Variants in CRISP1 observed in about 807,000 individuals in gnomAD.
CRISP1 encodes cysteine-rich secretory protein 1.
CRISP1 carries 44 observed loss-of-function variants against 33.1 expected under a neutral mutation model. The observed-to-expected ratio is 1.33, with a 90% CI of 1.05 to 1.71. CRISP1 has a LOEUF of 1.71. Among genes scored for constraint, CRISP1 ranks in the 40% most tolerant of loss-of-function variants. CRISP1 has a pLI of 0.00. For synonymous variants in CRISP1, 103 were observed against 98.7 expected (o/e 1.04, Z -0.26); for missense variants, 390 against 301.2 (o/e 1.29, Z -2.18).
intron 5 of CRISP1, among the ~76,000 whole-genome samples, chr6:49,842,151 C>A (rs112995744): frequency 8.5e-5 from 13 of 152,128 alleles, no homozygotes; most frequent in Non-Finnish European, 1.6e-4. Flanking sequence ...TAATTATCTG[C>A]GGCTAACCTA....
At chr6:49,845,795 TA>T (rs568960285) in intron 5 of CRISP1, among the ~76,000 whole-genome samples, 3 of 151,684 alleles carry the variant, frequency 2.0e-5, no homozygotes, top group South Asian at 2.1e-4. Flanking sequence ...CATTTAGCCT[TA>T]AAAAAAAGAA....
chr6:49,835,917 T>C (rs1770775034), intron 7 of CRISP1, among the ~76,000 whole-genome samples: 1 of 152,018 alleles, frequency 6.6e-6, no homozygotes, highest in African/African-American at 2.4e-5. Flanking sequence ...CACCCAGAGG[T>C]TATCTCAACT....
intron 5 of CRISP1, among the ~76,000 whole-genome samples, chr6:49,844,328 G>A (rs891621296): frequency 3.9e-5 from 6 of 152,074 alleles, no homozygotes. Flanking sequence ...AAGGCTGTCC[G>A]ACTTCTTAGA....
intron 5 of CRISP1, among the ~76,000 whole-genome samples, chr6:49,845,274 C>T (rs1771124612): frequency 1.3e-5 from 2 of 152,098 alleles, no homozygotes; most frequent in South Asian, 4.1e-4. Flanking sequence ...CTGTCTCTAT[C>T]CTTGACTCTC....
chr6:49,865,245 G>T (rs1341412452), intron 1 of CRISP1, among the ~76,000 whole-genome samples: 1 of 152,074 alleles, frequency 6.6e-6, no homozygotes, highest in Non-Finnish European at 1.5e-5. Context: ...AGTGGGGAAA[G>T]GATGATCATT....
intron 5 of CRISP1, among the ~76,000 whole-genome samples, chr6:49,841,921 C>T (rs1771003967): frequency 1.3e-5 from 2 of 152,124 alleles, no homozygotes; most frequent in Admixed American, 1.3e-4. Flanking sequence ...TTAAGTGGTT[C>T]AAAAGGAGAT....
chr6:49,862,030 A>C (rs540070460), intron 1 of CRISP1, among the ~76,000 whole-genome samples: 3 of 152,284 alleles, frequency 2.0e-5, no homozygotes, highest in African/African-American at 7.2e-5. Context: ...CTTATTTAAC[A>C]TAGTGCTGGG....
chr6:49,849,464 G>A (rs556763121), intron 3 of CRISP1, among the ~76,000 whole-genome samples: 2 of 152,096 alleles, frequency 1.3e-5, no homozygotes, highest in African/African-American at 4.8e-5. Flanking sequence ...TGACAGTCAG[G>A]CTGACATCAC....
At chr6:49,841,506 A>G (rs879706663) in intron 5 of CRISP1, among the ~76,000 whole-genome samples, 2 of 152,164 alleles carry the variant, frequency 1.3e-5, no homozygotes, top group Non-Finnish European at 2.9e-5. Flanking sequence ...GATCTTATCC[A>G]GTATACTCAG....
In CRISP1 at chr6:49,835,459, A is replaced by C; in HGVS notation, c.623-16T>G. The C allele has an allele frequency of 6.2e-7, 1 of 1,612,298 alleles. No individual in the cohort carries two copies. The highest frequency in any genetic ancestry group is 8.5e-7 in the Non-Finnish European group (1 of 1,179,088). On this transcript the variant is annotated splice_polypyrimidine_tract_variant and intron_variant, in intron 7 of 7. Coordinates refer to ENST00000335847, the MANE Select transcript of CRISP1 (RefSeq NM_001131.3). ...CAGGGGTTAGCTGAAAGAAAATAGT[A>C]TGGTTTTACAACACAGTCTTTTAAA...
At chr6:49,838,290 T>C (rs572556456) in intron 7 of CRISP1, 147 bp downstream of exon 7, 24 of 625,306 alleles carry the variant, frequency 3.8e-5, no homozygotes, top group African/African-American at 2.0e-4. Context: ...ACTCTGGCAA[T>C]TGGGGAGGGG....
chr6:49,866,811 G>A, upstream of CRISP1, among the ~76,000 whole-genome samples: 1 of 152,046 alleles, frequency 6.6e-6, no homozygotes, highest in East Asian at 1.9e-4. Context: ...ATGACTTGCT[G>A]GTCCAGAAAC....
chr6:49,860,072 T>C (rs1771605364), intron 1 of CRISP1, among the ~76,000 whole-genome samples: 1 of 152,052 alleles, frequency 6.6e-6, no homozygotes, highest in Non-Finnish European at 1.5e-5. Context: ...CAAGAGAATG[T>C]AACAATTCTA....
chr6:49,842,323 A>G (rs1176368730), intron 5 of CRISP1, among the ~76,000 whole-genome samples: 1 of 152,222 alleles, frequency 6.6e-6, no homozygotes, highest in East Asian at 1.9e-4. Flanking sequence ...ACATGATTTT[A>G]ATAAAAATGC....
intron 5 of CRISP1, among the ~76,000 whole-genome samples, chr6:49,845,563 T>C (rs1391728057): frequency 6.6e-6 from 1 of 152,286 alleles, no homozygotes; most frequent in South Asian, 2.1e-4. Flanking sequence ...AATATAATAG[T>C]ACTCCAGTTT....
At chr6:49,847,390 T>C (rs1771212609) in intron 4 of CRISP1, among the ~76,000 whole-genome samples, 2 of 152,220 alleles carry the variant, frequency 1.3e-5, no homozygotes, top group South Asian at 4.2e-4. Context: ...CTCAAAGAAC[T>C]TGGTGCTGTC....
Position 49,857,415 on chromosome 6 carries a change from T to A in CRISP1, c.-2-13A>T, listed in dbSNP as rs762032785. On this transcript the variant is annotated splice_polypyrimidine_tract_variant and intron_variant, in intron 1 of 7. Transcript: ENST00000335847. ...TTAATTTCCATCCCTGAAAGAAAAA[T>A]AACACAATTTTAGATTATTCTCAAT... 25 of 1,609,068 alleles carry A rather than the reference T, an allele frequency of 1.6e-5. No homozygotes were observed. In the African/African-American group the frequency reaches 3.2e-4, roughly 21 times the overall value.
intron 7 of CRISP1, among the ~76,000 whole-genome samples, chr6:49,835,785 A>G (rs1472601725): frequency 6.7e-6 from 1 of 149,778 alleles, no homozygotes; most frequent in Non-Finnish European, 1.5e-5. Flanking sequence ...TTTTTGTCTA[A>G]TTATCTAATG....
chr6:49,855,209 G>T (rs189279415), intron 2 of CRISP1, among the ~76,000 whole-genome samples: 38 of 152,126 alleles, frequency 2.5e-4, no homozygotes, highest in Middle Eastern at 3.4e-3. Flanking sequence ...ATCCACTAAT[G>T]CTTTACTATG....
Sources: allele counts gnomAD v4.1 joint callset (sites outside exome capture counted in the v4.1 genomes callset), GRCh38; gene constraint gnomAD v4.1.1; transcripts MANE v1.5; gene names NCBI Gene and HGNC (gene_info 2026-07-23, HGNC 2026-07-21).